Variants in RIMBP2 observed in about 807,000 individuals in gnomAD.
The protein encoded by RIMBP2 is RIMS-binding protein 2.
Under a neutral mutation model 118.6 loss-of-function variants are expected in RIMBP2, and 48 were observed. That is an observed-to-expected ratio of 0.40 (90% confidence interval 0.32 to 0.51). The LOEUF (loss-of-function observed/expected upper bound fraction) is 0.51. Ranked by LOEUF, RIMBP2 falls within the 20% of genes least tolerant of loss-of-function variation. The pLI, the probability that RIMBP2 is intolerant of heterozygous loss-of-function variation, is 0.41. For missense variants in RIMBP2, 1,551 were observed against 1,768.3 expected, an observed-to-expected ratio of 0.88 and a Z score of 2.20; for synonymous variants, 762 against 742.9, an observed-to-expected ratio of 1.03 and a Z score of -0.42.
At chr12:130,452,997 G>A (rs992717906) in intron 7 of RIMBP2, among the ~76,000 whole-genome samples, 18 of 152,186 alleles carry the variant, frequency 1.2e-4, no homozygotes. Flanking sequence ...AATGGGGCTG[G>A]TTCCCACGGG....
rs1188430188 is a variant in RIMBP2 at position 130,688,558 on chromosome 12, AC to A, written c.-352+27663del. On this transcript the variant is annotated intron_variant, in intron 1 of 22. Coordinates refer to ENST00000690449, the MANE Select transcript of RIMBP2 (RefSeq NM_001393629.1). The surrounding 1 kb of genome is among the most constrained non-coding windows in gnomAD (Gnocchi z 4.7). ...AGTCGTCTTCACCCCTCCATCCGTTACCCCCTGTCAGTTACCCCGGGTGACC... is the reference window on the plus strand; with the variant it reads ...AGTCGTCTTCACCCCTCCATCCGTTACCCCTGTCAGTTACCCCGGGTGACC... Among the ~76,000 whole-genome samples the A allele has an allele frequency of 6.9e-6, 1 of 143,934 alleles. No homozygotes were observed. The highest frequency in any genetic ancestry group is 2.7e-5 in the African/African-American group (1 of 37,152). The allele number at this position is 143,934 out of a possible 152,430, so 94.4% of individuals were successfully genotyped here.
chr12:130,536,119 G>A, intron 2 of RIMBP2, among the ~76,000 whole-genome samples: 1 of 152,022 alleles, frequency 6.6e-6, no homozygotes, highest in Non-Finnish European at 1.5e-5. Flanking sequence ...CATTTTATGG[G>A]TGGAAAAAAA....
At chr12:130,409,028 G>A (rs544498024) in intron 19 of RIMBP2, among the ~76,000 whole-genome samples, 7 of 152,312 alleles carry the variant, frequency 4.6e-5, no homozygotes, top group African/African-American at 1.4e-4. Flanking sequence ...CCAGAGGTTC[G>A]TGTTTCTCAG....
intron 2 of RIMBP2, among the ~76,000 whole-genome samples, chr12:130,551,237 C>A (rs545769637): frequency 2.0e-5 from 3 of 152,304 alleles, no homozygotes; most frequent in East Asian, 3.9e-4. Context: ...AGGATCTCTG[C>A]CAGCTAGCCT....
chr12:130,474,281 C>T (rs61194386), intron 5 of RIMBP2, among the ~76,000 whole-genome samples: 16,141 of 152,224 alleles, frequency 0.11, 1,164 homozygotes, highest in East Asian at 0.35. Flanking sequence ...CATTGATTCC[C>T]TCCACAGGCA....
chr12:130,607,008 T>A (rs951239203), intron 2 of RIMBP2, among the ~76,000 whole-genome samples: 27 of 152,128 alleles, frequency 1.8e-4, no homozygotes, highest in African/African-American at 6.0e-4. Flanking sequence ...ATTTTTGTAT[T>A]TTTAGTAGAG....
chr12:130,645,016 T>C (rs1243034482), intron 1 of RIMBP2, among the ~76,000 whole-genome samples: 1 of 152,190 alleles, frequency 6.6e-6, no homozygotes, highest in African/African-American at 2.4e-5. Flanking sequence ...AACCCGTTGT[T>C]AAGTCACAGG....
Position 130,546,124 on chromosome 12 carries a change from G to T in RIMBP2, c.-216-28207C>A, listed in dbSNP as rs1378469304. ...TTTTTTTTTTTTTTTTTTTGGGATG[G>T]AGTCTCACTCACTCTGTTGCCCAGG... On this transcript the variant is annotated intron_variant, in intron 2 of 22. Coordinates refer to ENST00000690449, the MANE Select transcript of RIMBP2 (RefSeq NM_001393629.1). Among the ~76,000 whole-genome samples the T allele has an allele frequency of 3.6e-5, 4 of 111,560 alleles. No individual in the cohort carries two copies. In the East Asian group the frequency reaches 1.1e-3, roughly 30 times the overall value. The allele number at this position is 111,560 out of a possible 152,430, so 73.2% of individuals were successfully genotyped here. A position where few individuals can be genotyped will look rare whatever the true frequency, so the allele number is the denominator to read the frequency against.
At chr12:130,430,252 G>C (rs2077068181) in intron 14 of RIMBP2, 1 of 152,254 alleles carries the variant, frequency 6.6e-6, no homozygotes, top group Non-Finnish European at 1.5e-5. Context: ...CTTCTCCTAG[G>C]GGGACACGCA....
chr12:130,713,203 A>AAGAT (rs1950052245), intron 1 of RIMBP2, among the ~76,000 whole-genome samples: 3 of 144,750 alleles, frequency 2.1e-5, no homozygotes, highest in African/African-American at 7.8e-5. Flanking sequence ...GGAAGGAAGG[A>AAGAT]AGGAAGATAG....
At chr12:130,543,133 T>C (rs2054760852) in intron 2 of RIMBP2, among the ~76,000 whole-genome samples, 1 of 152,236 alleles carries the variant, frequency 6.6e-6, no homozygotes, top group Non-Finnish European at 1.5e-5. Flanking sequence ...CTAAACGCCT[T>C]TCCAGAAAGA....
chr12:130,535,782 T>TAC (rs1566218625), intron 2 of RIMBP2, among the ~76,000 whole-genome samples: 54 of 129,946 alleles, frequency 4.2e-4, no homozygotes, highest in African/African-American at 1.3e-3. Context: ...TATATATATA[T>TAC]ACACATATTT....
intron 4 of RIMBP2, among the ~76,000 whole-genome samples, chr12:130,483,589 C>T (rs1003099135): frequency 1.3e-5 from 2 of 151,556 alleles, no homozygotes; most frequent in South Asian, 4.2e-4. Context: ...AGACAGAGCC[C>T]CACGCGGCTG....
At chr12:130,692,726 A>C (rs2065367116) in intron 1 of RIMBP2, among the ~76,000 whole-genome samples, 1 of 151,962 alleles carries the variant, frequency 6.6e-6, no homozygotes. Context: ...GATGGGGTGC[A>C]GTGGAATAGG....
At chr12:130,538,576 C>T (rs114282665) in intron 2 of RIMBP2, among the ~76,000 whole-genome samples, 2,228 of 152,290 alleles carry the variant, frequency 0.015, 59 homozygotes, top group African/African-American at 0.051. Flanking sequence ...CCTCCCTCCC[C>T]GTGCCACCCT....
At position 130,485,811 on chromosome 12, in the gene RIMBP2, G is replaced by T. The variant is rs78171751; in HGVS notation, c.-3-6795C>A. ...TGCTATGCTGGGCTCTTGCTTCGGG[G>T]TGCCAGTGAGATGAGGGTTTATAGA... is the stretch of plus-strand genomic sequence containing the variant. On this transcript the variant is annotated intron_variant, in intron 4 of 22. Transcript: ENST00000690449. Among the ~76,000 whole-genome samples, 1,202 of 152,284 alleles carry T rather than the reference G, an allele frequency of 7.9e-3. 17 individuals are homozygous for T. Among genetic ancestry groups the T allele is most frequent in the African/African-American group, 0.027 (1,111 of 41,550 alleles).
chr12:130,540,275 G>T (rs1453934181), intron 2 of RIMBP2, among the ~76,000 whole-genome samples: 1 of 152,168 alleles, frequency 6.6e-6, no homozygotes, highest in African/African-American at 2.4e-5. Flanking sequence ...GGATGAGAAG[G>T]GCACTGGGCA....
chr12:130,638,053 G>A (rs2062430811), intron 1 of RIMBP2, among the ~76,000 whole-genome samples: 3 of 152,114 alleles, frequency 2.0e-5, no homozygotes, highest in South Asian at 4.1e-4. Flanking sequence ...ACATCTAGTT[G>A]CTAGAATGAG....
rs148342938 is a variant in RIMBP2, at chr12:130,445,213, G to A, written c.638C>T (p.Ala213Val). ...TCCATAGACGTAGAGGTATTTTCCC[G>A]CCGTGAGGGGCAGCTCAGCTTCGGG... ...ENPEAELPLT[A>V]GKYLYVYGDM... Residue 213 changes from alanine (A) to valine (V), a missense_variant, in exon 10 of 23, where the codon GCG (alanine) becomes GTG (valine). By Grantham distance (64) the Ala-to-Val change is moderately conservative. Transcript: ENST00000690449. The A allele has an allele frequency of 2.5e-5, 41 of 1,613,168 alleles. No homozygotes were observed. Among genetic ancestry groups the A allele is most frequent in the Admixed American group, 1.7e-4 (10 of 59,762 alleles).
Sources: allele counts gnomAD v4.1 joint callset (sites outside exome capture counted in the v4.1 genomes callset), GRCh38; gene constraint gnomAD v4.1.1; non-coding constraint Gnocchi (gnomAD v3.1); transcripts MANE v1.5; gene names NCBI Gene and HGNC (gene_info 2026-07-23, HGNC 2026-07-21).